SLC4A8: variants seen among roughly 807,000 people sequenced by gnomAD.
The protein encoded by SLC4A8 is solute carrier family 4 member 8.
In SLC4A8, 40 loss-of-function variants were observed where a neutral mutation model predicts 125.0. The observed-to-expected ratio is 0.32, with a 90% CI of 0.25 to 0.42. The LOEUF (loss-of-function observed/expected upper bound fraction) is 0.42. Among genes scored for constraint, SLC4A8 ranks in the 10% least tolerant of loss-of-function variants. SLC4A8 has a pLI of 1.00. For synonymous variants in SLC4A8, 456 were observed against 476.0 expected (o/e 0.96, Z 0.55); for missense variants, 863 against 1,355.1 (o/e 0.64, Z 5.70).
chr12:51,406,814 G>T (rs7304455), intron 1 of SLC4A8, among the ~76,000 whole-genome samples: 142,717 of 152,242 alleles, frequency 0.94, 66,974 homozygotes, highest in Non-Finnish European at 0.96. Context: ...GGAACTTGGC[G>T]CTGGCTGGCA....
intron 10 of SLC4A8, among the ~76,000 whole-genome samples, 194 bp from the exon 11 acceptor site, chr12:51,463,410 GGTGTGTGTGT>G (rs71731491): frequency 7.6e-5 from 11 of 144,114 alleles, no homozygotes; most frequent in Middle Eastern, 3.5e-3. Context: ...GAAATTATGG[GGTGTGTGTGT>G]GTGTGTGTGT....
At chr12:51,460,207 A>G (rs192881117) in intron 8 of SLC4A8, 99 bp downstream of exon 8, 77 of 1,003,804 alleles carry the variant, frequency 7.7e-5, no homozygotes, top group Admixed American at 6.6e-4. Context: ...GAATTAATTA[A>G]TTTTAGGAAT....
Position 51,475,286 on chromosome 12 carries a change from G to A in SLC4A8, c.2172+80G>A, listed in dbSNP as rs1950826994. 4.3e-6 allele frequency: 6 copies of A among 1,394,124 alleles called. No homozygotes were observed. In the Admixed American group the frequency reaches 8.8e-5, roughly 21 times the overall value. The allele number at this position is 1,394,124 out of a possible 1,614,324, so 86.4% of individuals were successfully genotyped here. A position where few individuals can be genotyped will look rare whatever the true frequency, so the allele number is the denominator to read the frequency against. On this transcript the variant is annotated intron_variant, in intron 16 of 24. Transcript: ENST00000453097. ...TTTTCTCAGCCTTCATGCTGCTTAT[G>A]GGGTTGATTGGCCAGGTGGAGAACT...
At chr12:51,500,835 C>T (rs945317274) in intron 22 of SLC4A8, among the ~76,000 whole-genome samples, 78 of 149,036 alleles carry the variant, frequency 5.2e-4, no homozygotes, top group Non-Finnish European at 2.8e-4. Context: ...TACAGGCTCT[C>T]GCCCCTGCGC....
intron 1 of SLC4A8, chr12:51,425,410 C>T (rs1948937357): frequency 3.8e-6 from 4 of 1,063,492 alleles, no homozygotes; most frequent in South Asian, 7.7e-5. Flanking sequence ...AGGGACCTTG[C>T]TCTGGTGGGG....
At chr12:51,450,382 A>G (rs1949926111) in intron 2 of SLC4A8, among the ~76,000 whole-genome samples, 1 of 152,198 alleles carries the variant, frequency 6.6e-6, no homozygotes, top group Admixed American at 6.5e-5. Flanking sequence ...TGAGTCACAG[A>G]GAGATTAGAT....
At chr12:51,395,399 G>T (rs1948239290) in intron 1 of SLC4A8, among the ~76,000 whole-genome samples, 1 of 151,732 alleles carries the variant, frequency 6.6e-6, no homozygotes, top group Admixed American at 6.6e-5. Context: ...GGTTTTGGGT[G>T]TTCTGAGTTT....
chr12:51,496,732 T>C (rs1278709690), intron 21 of SLC4A8, among the ~76,000 whole-genome samples: 1 of 152,224 alleles, frequency 6.6e-6, no homozygotes, highest in African/African-American at 2.4e-5. Context: ...CTGCAGATGA[T>C]GTGCTCATCT....
At chr12:51,474,640 C>A (rs772587776) in intron 15 of SLC4A8, 193 bp downstream of exon 15, 1 of 985,736 alleles carries the variant, frequency 1.0e-6, no homozygotes, top group Non-Finnish European at 1.4e-6. Flanking sequence ...GAAGATTACC[C>A]TTCTCTTTTC....
At chr12:51,475,919 C>T (rs1950840291) in intron 16 of SLC4A8, among the ~76,000 whole-genome samples, 1 of 152,186 alleles carries the variant, frequency 6.6e-6, no homozygotes, top group Non-Finnish European at 1.5e-5. Context: ...TTACATCCTT[C>T]AGTCACATGG....
chr12:51,433,383 T>C (rs1949258851), intron 1 of SLC4A8, among the ~76,000 whole-genome samples: 1 of 152,182 alleles, frequency 6.6e-6, no homozygotes, highest in Non-Finnish European at 1.5e-5. Context: ...TACTCAGAAA[T>C]AGGGCTTTTT....
At chr12:51,428,896 C>CTTTTAT (rs1302389579) in intron 1 of SLC4A8, among the ~76,000 whole-genome samples, 2 of 152,002 alleles carry the variant, frequency 1.3e-5, no homozygotes, top group African/African-American at 2.4e-5. Context: ...TTAAGTAATT[C>CTTTTAT]TTTTATTTTT....
rs1384263040 is a variant in SLC4A8 at position 51,485,916 on chromosome 12, A to C, written c.2286+16A>C. The stretch of plus-strand genomic sequence containing the variant: ...TGTGTTCAAGGTAAACAGATCTCAG[A>C]GTACTTGGTGCACTCATGTAATTTC... On this transcript the variant is annotated intron_variant, in intron 17 of 24. Transcript: ENST00000453097. 1 of 1,398,016 alleles carries C rather than the reference A, an allele frequency of 7.2e-7. No homozygotes were observed. Among genetic ancestry groups the C allele is most frequent in the South Asian group, 1.2e-5 (1 of 86,496 alleles). The allele number at this position is 1,398,016 out of a possible 1,614,324, so 86.6% of individuals were successfully genotyped here.
chr12:51,420,737 G>C (rs761266228), upstream of SLC4A8, among the ~76,000 whole-genome samples: 13 of 152,226 alleles, frequency 8.5e-5, no homozygotes, highest in Non-Finnish European at 1.5e-4. Context: ...CACAAAGAAA[G>C]AGTGGAGCCT....
At chr12:51,477,264 A>AT (rs1393848706) in intron 16 of SLC4A8, among the ~76,000 whole-genome samples, 1 of 152,188 alleles carries the variant, frequency 6.6e-6, no homozygotes, top group Non-Finnish European at 1.5e-5. Context: ...TCATAATATG[A>AT]TTTTGTGAAT....
chr12:51,497,175 A>G, intron 22 of SLC4A8, 51 bp downstream of exon 22: 1 of 1,554,040 alleles, frequency 6.4e-7, no homozygotes, highest in Non-Finnish European at 8.7e-7. Flanking sequence ...ATTACAGAAC[A>G]TAGGAAGGGT....
chr12:51,435,469 C>A (rs1316479384), intron 1 of SLC4A8, among the ~76,000 whole-genome samples: 1 of 152,010 alleles, frequency 6.6e-6, no homozygotes, highest in Non-Finnish European at 1.5e-5. Context: ...TAAAAGTGAC[C>A]TTGTGAAGCC....
At chr12:51,492,944 G>A (rs1017293192) in intron 19 of SLC4A8, among the ~76,000 whole-genome samples, 1 of 151,524 alleles carries the variant, frequency 6.6e-6, no homozygotes, top group Admixed American at 6.6e-5. Flanking sequence ...TGCAGTGTTT[G>A]GTTTTCTGTT....
intron 23 of SLC4A8, 48 bp from the exon 24 acceptor site, chr12:51,505,787 T>C (rs941000932): frequency 1.2e-6 from 1 of 838,226 alleles, no homozygotes; most frequent in South Asian, 1.5e-5. Context: ...CTGTGGTATG[T>C]ATTTTACTTG....
Sources: gnomAD v4.1 joint callset for allele counts (sites outside exome capture counted in the v4.1 genomes callset) on GRCh38, gnomAD v4.1.1 for gene constraint, MANE v1.5 for transcripts, NCBI Gene and HGNC (gene_info 2026-07-23, HGNC 2026-07-21) for gene names.